Variants in CD82 observed in about 807,000 individuals in gnomAD.
CD82 encodes CD82 molecule.
A neutral mutation model predicts 37.4 loss-of-function variants in CD82; 36 were observed. The ratio of observed to expected loss-of-function variants is 0.96; its 90% CI spans 0.74 to 1.27. CD82 has a LOEUF of 1.27. Ranked by LOEUF, CD82 falls within the 50% of genes most tolerant of loss-of-function variation. The probability of loss-of-function intolerance (pLI) is 0.00; values close to 1 mark genes in which losing one functional copy is unlikely to be tolerated. For missense variants in CD82, 340 were observed against 347.0 expected, an observed-to-expected ratio of 0.98 and a Z score of 0.16; for synonymous variants, 158 against 137.4, an observed-to-expected ratio of 1.15 and a Z score of -1.05.
chr11:44,579,869 G>A (rs1423215297), intron 1 of CD82, among the ~76,000 whole-genome samples: 1 of 152,182 alleles, frequency 6.6e-6, no homozygotes, highest in Non-Finnish European at 1.5e-5. Flanking sequence ...GGCTCAGTAC[G>A]CTGGAGACTG....
At chr11:44,564,464 T>G (rs1325201430), upstream of CD82, 1 of 456,174 alleles carries the variant, frequency 2.2e-6, no homozygotes, top group Non-Finnish European at 4.4e-6. Flanking sequence ...GAAAGAGCTT[T>G]GTCAGCTGCA....
intron 2 of CD82, among the ~76,000 whole-genome samples, chr11:44,591,098 C>T (rs72905696): frequency 0.012 from 1,898 of 152,342 alleles, 20 homozygotes; most frequent in Non-Finnish European, 0.019. Context: ...TTCCAGTTAT[C>T]AGCACCTTCT....
rs1271715957 is a variant in CD82, at chr11:44,605,161, G to C, written c.240G>C (p.Glu80Asp). The C allele has an allele frequency of 1.2e-6, 2 of 1,614,022 alleles. No homozygotes were observed. The highest frequency in any genetic ancestry group is 2.7e-5 in the African/African-American group (2 of 74,936). The change falls in exon 5 of 10, where the codon GAG becomes GAC. Residue 80 changes from glutamate to aspartate, a missense_variant. By Grantham distance (45) the Glu-to-Asp change is conservative. Coordinates refer to ENST00000227155, the MANE Select transcript of CD82 (RefSeq NM_002231.4). ...GFLGCIGAVNEVRCLLGLYFA... is the reference protein window; with the variant it reads ...GFLGCIGAVNDVRCLLGLYFA... ...TGGGCTGCATCGGCGCCGTCAACGA[G>C]GTCCGCTGCCTGCTGGGGCTGGTGA...
chr11:44,617,587 G>T (rs1307534248), intron 7 of CD82, among the ~76,000 whole-genome samples: 9 of 147,236 alleles, frequency 6.1e-5, no homozygotes, highest in Non-Finnish European at 1.0e-4. Flanking sequence ...AAAAAAGGCG[G>T]AATTGACCCC....
intron 7 of CD82, among the ~76,000 whole-genome samples, chr11:44,616,234 A>G (rs1037132887): frequency 1.3e-5 from 2 of 152,282 alleles, no homozygotes; most frequent in Non-Finnish European, 2.9e-5. Flanking sequence ...TCTAGGTGAC[A>G]TGGACATGGC....
chr11:44,606,467 CAAAAAA>C, intron 6 of CD82: 2 of 103,712 alleles, frequency 1.9e-5, no homozygotes, highest in Non-Finnish European at 3.8e-5. Flanking sequence ...GACCCTGTCT[CAAAAAA>C]AAAAAAAAAA....
intron 6 of CD82, 64 bp downstream of exon 6, chr11:44,605,493 G>C (rs1853381122): frequency 6.7e-7 from 1 of 1,483,008 alleles, no homozygotes; most frequent in Non-Finnish European, 9.4e-7. Context: ...TTGACTGAGT[G>C]TGGGGGATGG....
intron 6 of CD82, among the ~76,000 whole-genome samples, chr11:44,605,879 C>A (rs1444153976): frequency 6.6e-6 from 1 of 152,230 alleles, no homozygotes; most frequent in Non-Finnish European, 1.5e-5. Context: ...CCATGCCACT[C>A]ACCCACAAAT....
chr11:44,613,361 G>A (rs756111792), intron 6 of CD82, among the ~76,000 whole-genome samples: 11 of 152,216 alleles, frequency 7.2e-5, no homozygotes, highest in African/African-American at 1.2e-4. Flanking sequence ...TGCCCTCAGC[G>A]GGCTCTGGGT....
intron 4 of CD82, among the ~76,000 whole-genome samples, chr11:44,602,483 A>T (rs903853957): frequency 1.3e-4 from 20 of 152,374 alleles, no homozygotes; most frequent in Non-Finnish European, 2.4e-4. Context: ...ATACAATTTA[A>T]TCCTTTTGCC....
Position 44,605,399 on chromosome 11 carries a change from C to CG in CD82, c.310dup (p.Ala104GlyfsTer20). On this transcript the variant is annotated frameshift_variant, in exon 6 of 10. Coordinates refer to ENST00000227155, the MANE Select transcript of CD82 (RefSeq NM_002231.4). LOFTEE classifies it high-confidence loss of function. ...TGATCCTCATTGCCCAGGTGACGGC[C>CG]GGGGCCCTCTTCTACTTCAACATGG... is the stretch of plus-strand genomic sequence containing the variant. 1 of 1,614,194 alleles carries CG rather than the reference C, an allele frequency of 6.2e-7. No homozygotes were observed. Among genetic ancestry groups the CG allele is most frequent in the Non-Finnish European group, 8.5e-7 (1 of 1,180,030 alleles).
chr11:44,591,651 TG>T (rs1376384137), intron 2 of CD82, among the ~76,000 whole-genome samples: 1 of 152,116 alleles, frequency 6.6e-6, no homozygotes. Context: ...CTGTGTGACT[TG>T]GGCAAGTTAC....
chr11:44,610,384 T>C (rs1209451183), intron 6 of CD82, among the ~76,000 whole-genome samples: 1 of 152,200 alleles, frequency 6.6e-6, no homozygotes, highest in Non-Finnish European at 1.5e-5. Context: ...CTCCGCAACA[T>C]GCTATTGTGT....
At chr11:44,586,863 C>T (rs148174404) in intron 1 of CD82, among the ~76,000 whole-genome samples, 1 of 152,332 alleles carries the variant, frequency 6.6e-6, no homozygotes, top group East Asian at 1.9e-4. Context: ...ATACACAAGG[C>T]ACTGTTCTAG....
chr11:44,605,898 G>GA (rs1195971331), intron 6 of CD82, among the ~76,000 whole-genome samples: 1 of 152,222 alleles, frequency 6.6e-6, no homozygotes, highest in Non-Finnish European at 1.5e-5. Context: ...ATGAGGTTTA[G>GA]AAGGAGACCG....
chr11:44,570,359 G>T (rs1452461777), intron 1 of CD82, among the ~76,000 whole-genome samples: 15 of 152,174 alleles, frequency 9.9e-5, no homozygotes, highest in Admixed American at 9.8e-4. Context: ...CCTCCTCTTT[G>T]ATCCTGCCAC....
intron 4 of CD82, among the ~76,000 whole-genome samples, chr11:44,601,427 T>A (rs1049584241): frequency 2.6e-5 from 4 of 151,910 alleles, no homozygotes; most frequent in African/African-American, 9.7e-5. Flanking sequence ...GTGGGTGGGC[T>A]ACCCGTGCCC....
intron 2 of CD82, among the ~76,000 whole-genome samples, chr11:44,592,819 T>TA (rs1284189562): frequency 6.6e-6 from 1 of 152,202 alleles, no homozygotes; most frequent in African/African-American, 2.4e-5. Flanking sequence ...TGGAGCCCCC[T>TA]AGACTGGAAG....
intron 1 of CD82, among the ~76,000 whole-genome samples, chr11:44,582,734 C>A (rs1852998791): frequency 6.6e-6 from 1 of 152,166 alleles, no homozygotes; most frequent in South Asian, 2.1e-4. Flanking sequence ...GGGCTTCTTG[C>A]AACCTCTCTT....
Sources: allele counts gnomAD v4.1 joint callset (sites outside exome capture counted in the v4.1 genomes callset), GRCh38; gene constraint gnomAD v4.1.1; transcripts MANE v1.5; gene names NCBI Gene and HGNC (gene_info 2026-07-23, HGNC 2026-07-21).